MAGI3: variants seen among roughly 807,000 people sequenced by gnomAD.
MAGI3 encodes membrane associated guanylate kinase, WW and PDZ domain containing 3, also known as membrane-associated guanylate kinase, WW and PDZ domain-containing protein 3.
MAGI3 carries 43 observed loss-of-function variants against 121.8 expected under a neutral mutation model. The ratio of observed to expected loss-of-function variants is 0.35; its 90% CI spans 0.28 to 0.46. The LOEUF (loss-of-function observed/expected upper bound fraction) is 0.46, where lower values mean the gene tolerates loss of function less well. Ranked by LOEUF, MAGI3 falls within the 20% of genes least tolerant of loss-of-function variation. MAGI3 has a pLI of 1.00. For missense variants in MAGI3, 1,547 were observed against 1,797.3 expected (o/e 0.86, Z 2.52); for synonymous variants, 553 against 639.3 (o/e 0.86, Z 2.04).
chr1:113,416,601 A>C (rs1230772572), intron 1 of MAGI3, among the ~76,000 whole-genome samples: 1 of 149,312 alleles, frequency 6.7e-6, no homozygotes, highest in Non-Finnish European at 1.5e-5. Flanking sequence ...TTCCCAGGAT[A>C]GGTAGAACTG....
intron 2 of MAGI3, among the ~76,000 whole-genome samples, chr1:113,552,786 C>T (rs1278911021): frequency 6.6e-6 from 1 of 152,106 alleles, no homozygotes; most frequent in Non-Finnish European, 1.5e-5. Context: ...GTCCAAAGCT[C>T]CCTCTAGGAA....
chr1:113,659,561 T>A (rs1047071324), intron 16 of MAGI3, among the ~76,000 whole-genome samples: 7 of 152,214 alleles, frequency 4.6e-5, no homozygotes, highest in African/African-American at 1.4e-4. Flanking sequence ...GATCTTATTT[T>A]CTTAAAATAA....
At chr1:113,524,376 A>G (rs1658358053) in intron 1 of MAGI3, among the ~76,000 whole-genome samples, 1 of 151,822 alleles carries the variant, frequency 6.6e-6, no homozygotes, top group African/African-American at 2.4e-5. Flanking sequence ...AGCTGCAGAC[A>G]CTCAACACCA....
chr1:113,650,305 T>G (rs1040923828), intron 13 of MAGI3, among the ~76,000 whole-genome samples: 1 of 152,198 alleles, frequency 6.6e-6, no homozygotes, highest in Non-Finnish European at 1.5e-5. Flanking sequence ...GCTTCCTATT[T>G]TGTTGATACT....
At chr1:113,432,303 T>C (rs1394615085) in intron 1 of MAGI3, among the ~76,000 whole-genome samples, 1 of 152,196 alleles carries the variant, frequency 6.6e-6, no homozygotes, top group African/African-American at 2.4e-5. Context: ...TCATGTTAGT[T>C]ACCTTCATTT....
At chr1:113,562,407 A>G (rs755613592) in intron 2 of MAGI3, among the ~76,000 whole-genome samples, 9 of 152,356 alleles carry the variant, frequency 5.9e-5, no homozygotes, top group Admixed American at 1.3e-4. Context: ...TCTCAAAAAA[A>G]AAGAAATCAG....
At chr1:113,443,917 TATGCAACTATCAGAAGA>T (rs1654039149) in intron 1 of MAGI3, among the ~76,000 whole-genome samples, 1 of 152,232 alleles carries the variant, frequency 6.6e-6, no homozygotes, top group South Asian at 2.1e-4. Context: ...TTCACAAAGT[TATGCAACTATCAGAAGA>T]GGATTTTGGT....
At chr1:113,568,914 A>G (rs1412267458) in intron 2 of MAGI3, among the ~76,000 whole-genome samples, 1 of 152,108 alleles carries the variant, frequency 6.6e-6, no homozygotes, top group Non-Finnish European at 1.5e-5. Flanking sequence ...CATTAGCTGT[A>G]AAGGAAAAGA....
chr1:113,590,351 A>G (rs922143021), intron 4 of MAGI3, 133 bp from the exon 5 acceptor site: 1 of 811,510 alleles, frequency 1.2e-6, no homozygotes, highest in Non-Finnish European at 2.0e-6. Context: ...AATTTATAGC[A>G]GAATGTGGAC....
chr1:113,403,292 G>C (rs1285840609), intron 1 of MAGI3, among the ~76,000 whole-genome samples: 1 of 152,026 alleles, frequency 6.6e-6, no homozygotes, highest in African/African-American at 2.4e-5. Flanking sequence ...GGCAGCCACT[G>C]CTGTTAACAT....
chr1:113,670,401 T>TTGTA (rs1647468693), intron 16 of MAGI3, among the ~76,000 whole-genome samples: 1 of 152,244 alleles, frequency 6.6e-6, no homozygotes, highest in African/African-American at 2.4e-5. Flanking sequence ...GATGCATGTA[T>TTGTA]TGTAGTAAAG....
At chr1:113,548,892 G>A (rs189995294) in intron 1 of MAGI3, among the ~76,000 whole-genome samples, 63 of 152,266 alleles carry the variant, frequency 4.1e-4, no homozygotes, top group South Asian at 2.5e-3. Flanking sequence ...AATATGTCTT[G>A]GAAGTAGAAC....
At chr1:113,467,659 A>G (rs1310777978) in intron 1 of MAGI3, among the ~76,000 whole-genome samples, 1 of 152,118 alleles carries the variant, frequency 6.6e-6, no homozygotes, top group African/African-American at 2.4e-5. Flanking sequence ...CAGCCTCCCA[A>G]GTAGCTGGGA....
At chr1:113,631,935 C>T (rs930117906) in intron 9 of MAGI3, among the ~76,000 whole-genome samples, 3 of 152,142 alleles carry the variant, frequency 2.0e-5, no homozygotes, top group East Asian at 1.9e-4. Context: ...TTTCTGATTG[C>T]GGGGGGAAGT....
chr1:113,414,045 A>G (rs1396808676), intron 1 of MAGI3, among the ~76,000 whole-genome samples: 1 of 152,144 alleles, frequency 6.6e-6, no homozygotes, highest in Non-Finnish European at 1.5e-5. Context: ...ATTTTGAGAT[A>G]CGTTCCATGA....
At chr1:113,600,021 GC>G (rs1203564612) in intron 6 of MAGI3, among the ~76,000 whole-genome samples, 1 of 152,062 alleles carries the variant, frequency 6.6e-6, no homozygotes, top group Non-Finnish European at 1.5e-5. Context: ...AAATTCAACA[GC>G]CCTTCATGCT....
chr1:113,525,132 T>C (rs1197035093), intron 1 of MAGI3, among the ~76,000 whole-genome samples: 1 of 152,226 alleles, frequency 6.6e-6, no homozygotes, highest in Admixed American at 6.5e-5. Flanking sequence ...TAAACCTCTT[T>C]CTTTTGTTAA....
chr1:113,478,972 C>A (rs557717534), intron 1 of MAGI3, among the ~76,000 whole-genome samples: 1 of 152,204 alleles, frequency 6.6e-6, no homozygotes, highest in African/African-American at 2.4e-5. Context: ...GCCCCTCCCC[C>A]AGCCAGGCTG....
chr1:113,462,410 A>C lies in MAGI3; in HGVS notation c.316+71061A>C, dbSNP rs114115813. Reference sequence around the variant, plus strand: ...AGAATGAAATCATGTCTTTTGTGAGAACATGGATGGAGCTGGAGGCTATTA... The same window carrying C: ...AGAATGAAATCATGTCTTTTGTGAGCACATGGATGGAGCTGGAGGCTATTA... On this transcript the variant is annotated intron_variant, in intron 1 of 20. Transcript: ENST00000307546. Among the ~76,000 whole-genome samples, 313 of 152,296 alleles carry C rather than the reference A, an allele frequency of 2.1e-3. 4 individuals carry two copies. Among genetic ancestry groups the C allele is most frequent in the African/African-American group, 7.3e-3 (304 of 41,556 alleles).
Sources: gnomAD v4.1 joint callset for allele counts (sites outside exome capture counted in the v4.1 genomes callset) on GRCh38, gnomAD v4.1.1 for gene constraint, MANE v1.5 for transcripts, NCBI Gene and HGNC (gene_info 2026-07-23, HGNC 2026-07-21) for gene names.